Variants in CSMD1 observed in about 807,000 individuals in gnomAD.
CSMD1 encodes CUB and Sushi multiple domains 1.
Under a neutral mutation model 417.5 loss-of-function variants are expected in CSMD1, and 213 were observed. That is an observed-to-expected ratio of 0.51 (90% CI 0.46 to 0.57). CSMD1 has a LOEUF of 0.57. CSMD1 is among the 20% of genes least tolerant of loss of function. The pLI is 0.00. For missense variants in CSMD1, 6,923 were observed against 4,529.7 expected, an observed-to-expected ratio of 1.53 and a Z score of -15.17; for synonymous variants, 2,862 against 1,736.8, an observed-to-expected ratio of 1.65 and a Z score of -16.11.
intron 10 of CSMD1, among the ~76,000 whole-genome samples, chr8:3,543,443 T>A (rs1798527619): frequency 6.6e-6 from 1 of 151,712 alleles, no homozygotes; most frequent in East Asian, 1.9e-4. Flanking sequence ...CAGAAATGAG[T>A]TAGGAGAGAT....
chr8:3,782,131 T>C (rs1347302049), intron 5 of CSMD1, among the ~76,000 whole-genome samples: 1 of 152,184 alleles, frequency 6.6e-6, no homozygotes, highest in East Asian at 1.9e-4. Flanking sequence ...TCATATAATT[T>C]CTTTTTTTCT....
At chr8:3,696,139 C>A (rs544268942) in intron 7 of CSMD1, among the ~76,000 whole-genome samples, 54 of 152,190 alleles carry the variant, frequency 3.5e-4, no homozygotes, top group Non-Finnish European at 3.1e-4. Flanking sequence ...CATGGTTTTC[C>A]CAGATACATA....
At chr8:3,478,426 A>T (rs916014882) in intron 11 of CSMD1, among the ~76,000 whole-genome samples, 1 of 152,180 alleles carries the variant, frequency 6.6e-6, no homozygotes, top group African/African-American at 2.4e-5. Flanking sequence ...TGACATGCAG[A>T]TCCTTTTTTC....
intron 1 of CSMD1, among the ~76,000 whole-genome samples, chr8:4,931,475 G>A (rs1344665777): frequency 6.6e-6 from 1 of 152,112 alleles, no homozygotes; most frequent in East Asian, 1.9e-4. Flanking sequence ...GTCTGTCCCA[G>A]CAATCATGGA....
At chr8:4,468,103 C>G (rs1800299772) in intron 2 of CSMD1, among the ~76,000 whole-genome samples, 1 of 152,170 alleles carries the variant, frequency 6.6e-6, no homozygotes, top group Admixed American at 6.5e-5. Context: ...TGATGAACCG[C>G]TTTCTAAAAT....
intron 4 of CSMD1, among the ~76,000 whole-genome samples, chr8:4,016,879 T>C (rs539554939): frequency 6.6e-6 from 1 of 152,290 alleles, no homozygotes; most frequent in East Asian, 1.9e-4. Flanking sequence ...TTGGGTATGG[T>C]TCACAATCCT....
At chr8:4,957,412 G>T (rs1297870675) in intron 1 of CSMD1, among the ~76,000 whole-genome samples, 1 of 152,198 alleles carries the variant, frequency 6.6e-6, no homozygotes, top group African/African-American at 2.4e-5. Flanking sequence ...GGGCACTATG[G>T]TCGGAAACCC....
At chr8:4,853,601 C>A (rs1375379737) in intron 1 of CSMD1, among the ~76,000 whole-genome samples, 1 of 152,222 alleles carries the variant, frequency 6.6e-6, no homozygotes, top group African/African-American at 2.4e-5. Context: ...TTGAATAGGG[C>A]AGTGCCAAAG....
intron 3 of CSMD1, among the ~76,000 whole-genome samples, chr8:4,261,688 G>A (rs922411502): frequency 6.6e-6 from 1 of 152,078 alleles, no homozygotes; most frequent in Non-Finnish European, 1.5e-5. Flanking sequence ...GGGACTACAG[G>A]CATGAGTCAC....
chr8:3,966,025 G>A (rs571119676), intron 5 of CSMD1, among the ~76,000 whole-genome samples: 2 of 152,190 alleles, frequency 1.3e-5, no homozygotes, highest in African/African-American at 2.4e-5. Context: ...TTAGAAAGAA[G>A]CAGAAGACAC....
At chr8:3,961,707 C>T (rs774518953) in intron 5 of CSMD1, among the ~76,000 whole-genome samples, 2 of 152,072 alleles carry the variant, frequency 1.3e-5, no homozygotes, top group Non-Finnish European at 2.9e-5. Flanking sequence ...AAGATTGCTG[C>T]GATACTCATG....
intron 41 of CSMD1, among the ~76,000 whole-genome samples, chr8:3,137,839 G>A (rs1479060983): frequency 6.6e-6 from 1 of 152,204 alleles, no homozygotes; most frequent in Non-Finnish European, 1.5e-5. Context: ...CAGAACTCAT[G>A]GATGCAGAGG....
In CSMD1 at chr8:4,754,576, G is replaced by T. The variant is rs138105958; in HGVS notation, c.86-117018C>A. Among the ~76,000 whole-genome samples, 398 of 151,954 alleles carry T rather than the reference G, an allele frequency of 2.6e-3. 2 individuals carry two copies. Among genetic ancestry groups the T allele is most frequent in the Middle Eastern group, 0.01 (3 of 292 alleles). On this transcript the variant is annotated intron_variant, in intron 1 of 69. Transcript: ENST00000635120. Reference sequence around the variant, plus strand: ...TTTTTTTAAAGCCAAGTAGGGCCAGGCGCAGTGGCTCATGTCTGTAATCCT... The same window carrying T: ...TTTTTTTAAAGCCAAGTAGGGCCAGTCGCAGTGGCTCATGTCTGTAATCCT...
chr8:4,403,394 T>G (rs1804785223), intron 3 of CSMD1, among the ~76,000 whole-genome samples: 1 of 152,160 alleles, frequency 6.6e-6, no homozygotes, highest in Non-Finnish European at 1.5e-5. Flanking sequence ...TCTCATCTAA[T>G]TCTCTTTTGA....
intron 3 of CSMD1, among the ~76,000 whole-genome samples, chr8:4,229,024 A>G (rs147738849): frequency 1.3e-3 from 205 of 152,258 alleles, no homozygotes; most frequent in Non-Finnish European, 1.8e-3. Flanking sequence ...AGACACATAT[A>G]TCCGACTGTC....
At chr8:3,685,364 C>T (rs368940621) in intron 7 of CSMD1, among the ~76,000 whole-genome samples, 2 of 152,132 alleles carry the variant, frequency 1.3e-5, no homozygotes, top group African/African-American at 4.8e-5. Context: ...AAACTGTTAC[C>T]TAAACACCAG....
At chr8:4,288,245 C>T (rs886809580) in intron 3 of CSMD1, among the ~76,000 whole-genome samples, 3 of 152,178 alleles carry the variant, frequency 2.0e-5, no homozygotes, top group African/African-American at 7.2e-5. Context: ...TGGGTGCCTT[C>T]ATGAGTTTCT....
chr8:4,243,962 G>T (rs1802548908), intron 3 of CSMD1, among the ~76,000 whole-genome samples: 1 of 152,174 alleles, frequency 6.6e-6, no homozygotes, highest in Non-Finnish European at 1.5e-5. Context: ...TCAGTAGCAG[G>T]TGGGAACGGG....
At chr8:4,144,698 G>A (rs13263032) in intron 3 of CSMD1, among the ~76,000 whole-genome samples, 46,373 of 150,776 alleles carry the variant, frequency 0.31, 8,888 homozygotes, top group Non-Finnish European at 0.4. Context: ...TTACATACTC[G>A]GCAAAGAGTG....
Sources: gnomAD v4.1 joint callset for allele counts (sites outside exome capture counted in the v4.1 genomes callset) on GRCh38, gnomAD v4.1.1 for gene constraint, MANE v1.5 for transcripts, NCBI Gene and HGNC (gene_info 2026-07-23, HGNC 2026-07-21) for gene names.